Variants in PCDHAC1 observed in about 807,000 individuals in gnomAD.
PCDHAC1 encodes protocadherin alpha-C1.
A neutral mutation model predicts 60.0 loss-of-function variants in PCDHAC1; 42 were observed. The observed-to-expected ratio is 0.70, with a 90% CI of 0.55 to 0.90. The LOEUF (loss-of-function observed/expected upper bound fraction) is 0.90. Ranked by LOEUF, PCDHAC1 falls within the 40% of genes least tolerant of loss-of-function variation. PCDHAC1 has a pLI of 0.00. For synonymous variants in PCDHAC1, 468 were observed against 499.3 expected, an observed-to-expected ratio of 0.94 and a Z score of 0.84; for missense variants, 1,160 against 1,222.3, an observed-to-expected ratio of 0.95 and a Z score of 0.76.
intron 3 of PCDHAC1, among the ~76,000 whole-genome samples, chr5:141,003,969 G>A (rs781827494): frequency 2.0e-5 from 3 of 152,158 alleles, no homozygotes; most frequent in Non-Finnish European, 4.4e-5. Flanking sequence ...GAGCATAAGG[G>A]AGGGGACTTG....
Position 141,010,492 on chromosome 5 carries a change from C to T in PCDHAC1, c.*555C>T. 8.0e-6 allele frequency: 5 copies of T among 628,626 alleles called. No homozygotes were observed. 38.9% of individuals were successfully genotyped at this position (628,626 alleles called of 1,614,324 possible). On this transcript the variant is annotated 3_prime_UTR_variant, in exon 4 of 4. Coordinates refer to ENST00000253807, the MANE Select transcript of PCDHAC1 (RefSeq NM_018898.5). ...AGGGGAAGTGTAAACTTAAAGGGAC[C>T]AGACTTTCTAAATCTTACAACTCAA... is the stretch of plus-strand genomic sequence containing the variant.
intron 1 of PCDHAC1, chr5:140,968,409 C>G: frequency 3.7e-6 from 6 of 1,614,024 alleles, no homozygotes; most frequent in South Asian, 1.1e-5. Context: ...TTCTTTGTGA[C>G]TGTGGAGGCT....
At chr5:140,967,511 G>T (rs1402187059) in intron 1 of PCDHAC1, 2 of 1,612,876 alleles carry the variant, frequency 1.2e-6, no homozygotes, top group Non-Finnish European at 8.5e-7. Flanking sequence ...GCGTGTCCTG[G>T]ACACTAACGA....
At chr5:141,001,280 G>T (rs1308036863) in intron 3 of PCDHAC1, among the ~76,000 whole-genome samples, 2 of 152,162 alleles carry the variant, frequency 1.3e-5, no homozygotes, top group South Asian at 2.1e-4. Context: ...TTTTTTTACG[G>T]ATGAAAACTG....
intron 1 of PCDHAC1, among the ~76,000 whole-genome samples, chr5:140,965,996 A>G (rs2095956267): frequency 6.6e-6 from 1 of 152,102 alleles, no homozygotes; most frequent in South Asian, 2.1e-4. Context: ...TGCAGTACTT[A>G]AGAGTGTCCA....
chr5:140,966,363 G>A (rs1476634162), intron 1 of PCDHAC1: 3 of 402,216 alleles, frequency 7.5e-6, no homozygotes, highest in Admixed American at 4.4e-5. Flanking sequence ...GGGCTGGAGA[G>A]GCTGAGCAGT....
intron 3 of PCDHAC1, among the ~76,000 whole-genome samples, chr5:140,985,628 T>C (rs1399381029): frequency 6.6e-6 from 1 of 152,116 alleles, no homozygotes; most frequent in Non-Finnish European, 1.5e-5. Flanking sequence ...TGTGTATTGC[T>C]CTTCTCATCC....
At position 141,011,045 on chromosome 5, in the gene PCDHAC1, G is replaced by A. The variant is rs949707438; in HGVS notation, c.*1108G>A. 2 of 153,712 alleles carry A rather than the reference G, an allele frequency of 1.3e-5. No individual in the cohort carries two copies. Among genetic ancestry groups the A allele is most frequent in the African/African-American group, 4.8e-5 (2 of 41,422 alleles). The allele number at this position is 153,712 out of a possible 1,614,324, so 9.5% of individuals were successfully genotyped here. ...CAGCTTTACTCTTTCAGGTCACTCT[G>A]GGGCTGCCTCTTGCATGTATTACTA... On this transcript the variant is annotated 3_prime_UTR_variant, in exon 4 of 4. Coordinates refer to ENST00000253807, the MANE Select transcript of PCDHAC1 (RefSeq NM_018898.5).
At chr5:140,976,597 G>A (rs1477005420) in intron 1 of PCDHAC1, among the ~76,000 whole-genome samples, 1 of 152,062 alleles carries the variant, frequency 6.6e-6, no homozygotes, top group South Asian at 2.1e-4. Flanking sequence ...TTTGTGTTAA[G>A]GGGACCTAAA....
chr5:140,986,897 T>A (rs534075146), intron 3 of PCDHAC1, among the ~76,000 whole-genome samples: 13 of 152,086 alleles, frequency 8.5e-5, no homozygotes, highest in Non-Finnish European at 1.9e-4. Flanking sequence ...TTAGGCCCTA[T>A]CCTAGACTAA....
chr5:140,968,758 T>C, intron 1 of PCDHAC1: 1 of 1,614,150 alleles, frequency 6.2e-7, no homozygotes, highest in South Asian at 1.1e-5. Flanking sequence ...TGGTCCGAGA[T>C]AATGGAGAGC....
chr5:140,937,089 G>A (rs2091320544), intron 1 of PCDHAC1, among the ~76,000 whole-genome samples: 1 of 149,070 alleles, frequency 6.7e-6, no homozygotes, highest in African/African-American at 2.5e-5. Context: ...CCAGGCTGGA[G>A]TGCAGTGGCG....
At chr5:141,006,993 T>A (rs1484865636) in intron 3 of PCDHAC1, among the ~76,000 whole-genome samples, 5 of 152,290 alleles carry the variant, frequency 3.3e-5, no homozygotes, top group African/African-American at 4.8e-5. Flanking sequence ...GCTTAAAATA[T>A]AAGTCTGCAT....
At chr5:140,996,884 A>T (rs1411027110) in intron 3 of PCDHAC1, among the ~76,000 whole-genome samples, 1 of 152,186 alleles carries the variant, frequency 6.6e-6, no homozygotes, top group African/African-American at 2.4e-5. Flanking sequence ...TGTATTTTTA[A>T]ATAAAATAGA....
intron 1 of PCDHAC1, chr5:140,929,574 G>A: frequency 2.2e-6 from 1 of 448,534 alleles, no homozygotes; most frequent in Non-Finnish European, 3.9e-6. Flanking sequence ...AACAATAAAA[G>A]TAATATGACA....
Position 141,010,029 on chromosome 5 carries a change from A to G in PCDHAC1, c.*92A>G, listed in dbSNP as rs2098415771. 1.1e-5 allele frequency: 17 copies of G among 1,580,452 alleles called. No individual in the cohort carries two copies. In the Admixed American group the frequency reaches 3.1e-4, roughly 29 times the overall value. On this transcript the variant is annotated 3_prime_UTR_variant, in exon 4 of 4. Coordinates refer to ENST00000253807, the MANE Select transcript of PCDHAC1 (RefSeq NM_018898.5). ...AATTCCCTGCTCCTTTTTCCTATCT[A>G]CATGAGCCCTCTTAGAGACCTCAGA...
At chr5:141,000,379 C>G (rs1286955585) in intron 3 of PCDHAC1, among the ~76,000 whole-genome samples, 6 of 60,366 alleles carry the variant, frequency 9.9e-5, no homozygotes, top group South Asian at 5.4e-4. Context: ...CTCTCTCTCT[C>G]TCTCTCTCTC....
At chr5:140,969,045 C>A (rs782611179) in intron 1 of PCDHAC1, 1 of 1,614,090 alleles carries the variant, frequency 6.2e-7, no homozygotes, top group Admixed American at 1.7e-5. Context: ...TACAAACAAG[C>A]CAACAACAAT....
chr5:140,991,066 C>T (rs2097429810), intron 3 of PCDHAC1, among the ~76,000 whole-genome samples: 2 of 152,122 alleles, frequency 1.3e-5, no homozygotes, highest in Non-Finnish European at 2.9e-5. Context: ...TTATTATTCC[C>T]ATGTTTCAGA....
Sources: gnomAD v4.1 joint callset for allele counts (sites outside exome capture counted in the v4.1 genomes callset) on GRCh38, gnomAD v4.1.1 for gene constraint, MANE v1.5 for transcripts, NCBI Gene and HGNC (gene_info 2026-07-23, HGNC 2026-07-21) for gene names.